ABLIM2: variants seen among roughly 807,000 people sequenced by gnomAD.
ABLIM2 encodes actin-binding LIM protein 2.
Under a neutral mutation model 97.7 loss-of-function variants are expected in ABLIM2, and 53 were observed. That is an observed-to-expected ratio of 0.54 (90% CI 0.44 to 0.68). The LOEUF (loss-of-function observed/expected upper bound fraction) is 0.68, where lower values mean the gene tolerates loss of function less well. ABLIM2 is among the 30% of genes least tolerant of loss of function. The probability of loss-of-function intolerance (pLI) is 0.00; values close to 1 mark genes in which losing one functional copy is unlikely to be tolerated. For synonymous variants in ABLIM2, 361 were observed against 345.8 expected, an observed-to-expected ratio of 1.04 and a Z score of -0.49; for missense variants, 835 against 867.2, an observed-to-expected ratio of 0.96 and a Z score of 0.47.
chr4:8,066,360 GGGAAGGAAGGAAGGAAGGAAGGAA>G lies in ABLIM2; in HGVS notation c.676-5330_676-5307del, dbSNP rs766354971. 8.6e-4 allele frequency among the ~76,000 whole-genome samples: 44 copies of G among 51,212 alleles called. 1 individual carries two copies. The highest frequency in any genetic ancestry group is 8.6e-3 in the Middle Eastern group (1 of 116). 33.6% of individuals were successfully genotyped at this position (51,212 alleles called of 152,430 possible). On this transcript the variant is annotated intron_variant, in intron 6 of 20. Coordinates refer to ENST00000447017, the MANE Select transcript of ABLIM2 (RefSeq NM_001130083.2). ...AGGGAGGGAGAGAGGGAGGGAGGGA[GGGAAGGAAGGAAGGAAGGAAGGAA>G]GGAAGGAAGGAAGGAAGGAAGGAAG...
Position 8,054,078 on chromosome 4 carries a change from G to C in ABLIM2, c.822+110C>G. 1.5e-6 allele frequency: 2 copies of C among 1,293,426 alleles called. No homozygotes were observed. Among genetic ancestry groups the C allele is most frequent in the Non-Finnish European group, 2.2e-6 (2 of 897,772 alleles). The allele number at this position is 1,293,426 out of a possible 1,614,324, so 80.1% of individuals were successfully genotyped here. A position where few individuals can be genotyped will look rare whatever the true frequency, so the allele number is the denominator to read the frequency against. ...CCTGGCTGCCCCCATCCTGCAGCCC[G>C]TGGGACTGGACAATGAGCCTGTAGA... On this transcript the variant is annotated intron_variant, in intron 8 of 20. Coordinates refer to ENST00000447017, the MANE Select transcript of ABLIM2 (RefSeq NM_001130083.2). The surrounding 1 kb of genome is among the most constrained non-coding windows in gnomAD (Gnocchi z 4.9).
chr4:7,967,561 G>A (rs1014136391), intron 20 of ABLIM2, among the ~76,000 whole-genome samples: 7 of 152,174 alleles, frequency 4.6e-5, no homozygotes, highest in Non-Finnish European at 7.4e-5. Context: ...GGTGGGGCGC[G>A]GACAGTGAGC....
intron 7 of ABLIM2, among the ~76,000 whole-genome samples, chr4:8,057,546 G>A (rs1488179238): frequency 6.6e-6 from 1 of 152,234 alleles, no homozygotes; most frequent in East Asian, 1.9e-4. Flanking sequence ...CCCAATTTTC[G>A]CCCCTACTAG....
intron 1 of ABLIM2, among the ~76,000 whole-genome samples, chr4:8,131,675 GAGCACAGCAGCCCGCATCCCC>G (rs1849400593): frequency 1.1e-4 from 11 of 100,710 alleles, no homozygotes; most frequent in South Asian, 7.0e-4. Flanking sequence ...CCGCATCCCT[GAGCACAGCAGCCCGCATCCCC>G]AGCACAGCAG....
In ABLIM2 at chr4:7,998,039, G is replaced by T. The variant is rs1467058072; in HGVS notation, c.1619-5112C>A. ...TGGGATTACAGGAATGTGCCACCAT[G>T]CCCGGCTGATTTTGTATTTTTAGTA... On this transcript the variant is annotated intron_variant, in intron 16 of 20. Transcript: ENST00000447017. The surrounding 1 kb of genome is among the most constrained non-coding windows in gnomAD (Gnocchi z 6.4). Among the ~76,000 whole-genome samples the T allele has an allele frequency of 6.6e-6, 1 of 151,990 alleles. No individual in the cohort carries two copies. Among genetic ancestry groups the T allele is most frequent in the African/African-American group, 2.4e-5 (1 of 41,394 alleles).
intron 9 of ABLIM2, among the ~76,000 whole-genome samples, chr4:8,041,103 AG>A (rs1788158069): frequency 1.3e-5 from 2 of 152,246 alleles, no homozygotes; most frequent in South Asian, 4.1e-4. Context: ...TTGGCCGAGC[AG>A]GAAGTCCATC....
intron 10 of ABLIM2, among the ~76,000 whole-genome samples, chr4:8,035,124 C>T (rs1249741165): frequency 6.6e-6 from 1 of 151,604 alleles, no homozygotes; most frequent in South Asian, 2.1e-4. Flanking sequence ...GGGTGTGGGT[C>T]GTGATGCCTT....
chr4:8,135,055 T>C (rs994458876), intron 1 of ABLIM2, among the ~76,000 whole-genome samples: 7 of 151,836 alleles, frequency 4.6e-5, no homozygotes, highest in Admixed American at 6.6e-5. Flanking sequence ...AACCCAGACA[T>C]GAAGAAACAG....
At chr4:8,081,038 G>C (rs1399532130) in intron 4 of ABLIM2, among the ~76,000 whole-genome samples, 1 of 152,142 alleles carries the variant, frequency 6.6e-6, no homozygotes, top group Admixed American at 6.5e-5. Context: ...ATGCAGCCTG[G>C]GCTATGAGCT....
rs1325306996 is a variant in ABLIM2 at position 8,124,629 on chromosome 4, A to G, written c.11-17992T>C. On this transcript the variant is annotated intron_variant, in intron 1 of 20. Coordinates refer to ENST00000447017, the MANE Select transcript of ABLIM2 (RefSeq NM_001130083.2). This position sits in a 1 kb window ranked among gnomAD's most constrained non-coding sequence, Gnocchi z 6.1. ...CTGAGAAATATTCCGTTGTACAGAC[A>G]GACCCTATTTGGCTCATCCATTAGT... Among the ~76,000 whole-genome samples the G allele has an allele frequency of 2.0e-5, 3 of 152,226 alleles. No homozygotes were observed. The East Asian group carries it at 5.8e-4, about 29-fold the overall frequency.
rs1813010970 is a variant in ABLIM2 at position 8,072,624 on chromosome 4, G to C, written c.675+5004C>G. On this transcript the variant is annotated intron_variant, in intron 6 of 20. Coordinates refer to ENST00000447017, the MANE Select transcript of ABLIM2 (RefSeq NM_001130083.2). The surrounding 1 kb of genome is among the most constrained non-coding windows in gnomAD (Gnocchi z 5.8). ...GTGCACCAGGAGAAGACAAAGGGTT[G>C]GGGGAAACCTGCGCACCCCGGGCTC... is the stretch of plus-strand genomic sequence containing the variant. Among the ~76,000 whole-genome samples, 1 of 152,234 alleles carries C rather than the reference G, an allele frequency of 6.6e-6. No homozygotes were observed. Among genetic ancestry groups the C allele is most frequent in the African/African-American group, 2.4e-5 (1 of 41,468 alleles).
In ABLIM2 at chr4:8,122,051, G is replaced by C. The variant is rs1289130219; in HGVS notation, c.11-15414C>G. On this transcript the variant is annotated intron_variant, in intron 1 of 20. Transcript: ENST00000447017. The surrounding 1 kb of genome is among the most constrained non-coding windows in gnomAD (Gnocchi z 4.1). ...CACTCTCTCTCCAGGCAGCTGCTGTGGTACATGTCCCCAGTGCAGGGACCT... is the reference window on the plus strand; with the variant it reads ...CACTCTCTCTCCAGGCAGCTGCTGTCGTACATGTCCCCAGTGCAGGGACCT... Among the ~76,000 whole-genome samples, 1 of 152,186 alleles carries C rather than the reference G, an allele frequency of 6.6e-6. No individual in the cohort carries two copies. Among genetic ancestry groups the C allele is most frequent in the Non-Finnish European group, 1.5e-5 (1 of 68,024 alleles).
intron 20 of ABLIM2, among the ~76,000 whole-genome samples, chr4:7,981,203 A>G (rs1449291220): frequency 6.6e-6 from 1 of 151,934 alleles, no homozygotes; most frequent in Non-Finnish European, 1.5e-5. Context: ...TCAGCCTCCC[A>G]AAGTGCTGGG....
chr4:8,010,891 C>G (rs1293097000), intron 14 of ABLIM2, among the ~76,000 whole-genome samples: 1 of 152,206 alleles, frequency 6.6e-6, no homozygotes, highest in East Asian at 1.9e-4. Context: ...CCCAGCAAGT[C>G]CCAGGGAGAA....
At chr4:8,057,822 A>C (rs1476345037) in intron 7 of ABLIM2, among the ~76,000 whole-genome samples, 1 of 152,192 alleles carries the variant, frequency 6.6e-6, no homozygotes, top group African/African-American at 2.4e-5. Context: ...TTATTGCAGC[A>C]GGATTTGCCA....
intron 12 of ABLIM2, 50 bp downstream of exon 12, chr4:8,027,709 G>T (rs201522066): frequency 1.4e-6 from 2 of 1,412,692 alleles, no homozygotes; most frequent in Non-Finnish European, 1.9e-6. Flanking sequence ...CACAGACGCC[G>T]GGCGTGGACA....
chr4:8,060,903 G>T (rs77962265), intron 7 of ABLIM2, 64 bp downstream of exon 7: 41,964 of 1,362,442 alleles, frequency 0.031, 837 homozygotes, highest in Middle Eastern at 0.074. Flanking sequence ...CCCAGCATGT[G>T]TGTGGACATC....
At chr4:7,974,188 T>TATCC (rs1372147938) in intron 20 of ABLIM2, among the ~76,000 whole-genome samples, 17 of 151,928 alleles carry the variant, frequency 1.1e-4, no homozygotes, top group African/African-American at 2.7e-4. Flanking sequence ...TCTATCTATC[T>TATCC]ATCCATCCAT....
chr4:8,141,096 G>T (rs1308140636), intron 1 of ABLIM2, among the ~76,000 whole-genome samples: 1 of 152,074 alleles, frequency 6.6e-6, no homozygotes, highest in Non-Finnish European at 1.5e-5. Context: ...GTCATCTCCA[G>T]GTAGCGGGAA....
Sources: gnomAD v4.1 joint callset for allele counts (sites outside exome capture counted in the v4.1 genomes callset) on GRCh38, gnomAD v4.1.1 for gene constraint, Gnocchi (gnomAD v3.1) non-coding constraint, MANE v1.5 for transcripts, NCBI Gene and HGNC (gene_info 2026-07-23, HGNC 2026-07-21) for gene names.